Variants in GABBR2 observed in about 807,000 individuals in gnomAD.
GABBR2 encodes gamma-aminobutyric acid type B receptor subunit 2, also known as G-protein coupled receptor 51.
A neutral mutation model predicts 105.6 loss-of-function variants in GABBR2; 23 were observed. The ratio of observed to expected loss-of-function variants is 0.22; its 90% CI spans 0.16 to 0.31. The LOEUF is 0.31. GABBR2 is among the 10% of genes least tolerant of loss of function. The pLI is 1.00. For missense variants in GABBR2, 734 were observed against 1,245.5 expected (o/e 0.59, Z 6.18); for synonymous variants, 478 against 499.7 (o/e 0.96, Z 0.58).
At chr9:98,445,284 C>T (rs1826106223) in intron 7 of GABBR2, among the ~76,000 whole-genome samples, 1 of 152,164 alleles carries the variant, frequency 6.6e-6, no homozygotes, top group African/African-American at 2.4e-5. Flanking sequence ...GCTACTGCAA[C>T]TGGCAGGGGT....
At chr9:98,299,638 G>A (rs1008631261) in intron 16 of GABBR2, among the ~76,000 whole-genome samples, 1 of 152,156 alleles carries the variant, frequency 6.6e-6, no homozygotes, top group African/African-American at 2.4e-5. Context: ...GGAAGGGCAG[G>A]GAGAGCATAC....
chr9:98,377,523 T>C (rs1014803275), intron 11 of GABBR2, among the ~76,000 whole-genome samples: 8 of 152,154 alleles, frequency 5.3e-5, no homozygotes, highest in African/African-American at 1.9e-4. Context: ...ACATAGTAAA[T>C]GGGAACTGTT....
chr9:98,457,439 T>G (rs1826344592), intron 6 of GABBR2, among the ~76,000 whole-genome samples: 1 of 152,200 alleles, frequency 6.6e-6, no homozygotes, highest in Non-Finnish European at 1.5e-5. Flanking sequence ...TTGTTTTGTT[T>G]TGTGGGACAC....
At chr9:98,409,011 C>T (rs1453612281) in intron 7 of GABBR2, among the ~76,000 whole-genome samples, 1 of 152,184 alleles carries the variant, frequency 6.6e-6, no homozygotes, top group Non-Finnish European at 1.5e-5. Flanking sequence ...TATAAGAAAG[C>T]TGAGACCTAT....
At chr9:98,558,033 C>T (rs1317717307) in intron 2 of GABBR2, among the ~76,000 whole-genome samples, 2 of 152,056 alleles carry the variant, frequency 1.3e-5, no homozygotes, top group South Asian at 4.1e-4. Flanking sequence ...TAAACAATTA[C>T]AGAATGAGTT....
chr9:98,338,069 G>A (rs768928141), intron 13 of GABBR2, among the ~76,000 whole-genome samples: 3 of 152,072 alleles, frequency 2.0e-5, no homozygotes, highest in South Asian at 2.1e-4. Context: ...ATATATCCAC[G>A]TGCAAAATAA....
rs1372750577 is a variant in GABBR2, at chr9:98,308,487, G to C, written c.2005-2142C>G. ...CTTAATTCCTGGAAACCGTGAATGT[G>C]ACCTTATTTGGAAAAAGGGTATTTG... is the stretch of plus-strand genomic sequence containing the variant. On this transcript the variant is annotated intron_variant, in intron 14 of 18. Coordinates refer to ENST00000259455, the MANE Select transcript of GABBR2 (RefSeq NM_005458.8). Among the ~76,000 whole-genome samples the C allele has an allele frequency of 2.6e-5, 4 of 152,196 alleles. No individual in the cohort carries two copies. In the East Asian group the frequency reaches 7.7e-4, roughly 29 times the overall value.
intron 9 of GABBR2, among the ~76,000 whole-genome samples, chr9:98,393,368 CACACACCCACT>C: frequency 6.9e-6 from 1 of 145,596 alleles, no homozygotes. Context: ...TCCATCCATC[CACACACCCACT>C]CATCCACCCA....
intron 1 of GABBR2, among the ~76,000 whole-genome samples, chr9:98,636,891 C>T (rs116815379): frequency 2.6e-3 from 391 of 152,248 alleles, no homozygotes; most frequent in African/African-American, 9.0e-3. Flanking sequence ...TACCTCACTC[C>T]GAATTGCCCA....
At chr9:98,298,569 G>A (rs1475140618) in intron 17 of GABBR2, among the ~76,000 whole-genome samples, 1 of 152,084 alleles carries the variant, frequency 6.6e-6, no homozygotes, top group African/African-American at 2.4e-5. Flanking sequence ...ACCAACTCTG[G>A]TAACCTTTAA....
At chr9:98,508,114 G>C (rs1046629749) in intron 3 of GABBR2, among the ~76,000 whole-genome samples, 1 of 152,134 alleles carries the variant, frequency 6.6e-6, no homozygotes, top group South Asian at 2.1e-4. Flanking sequence ...AAAACACTGG[G>C]TATTAATAAA....
chr9:98,649,621 G>C (rs1588268795), intron 1 of GABBR2, among the ~76,000 whole-genome samples: 1 of 152,160 alleles, frequency 6.6e-6, no homozygotes, highest in African/African-American at 2.4e-5. Context: ...GGGGACTAAG[G>C]TTCAGTCACT....
At chr9:98,649,610 C>T (rs932615158) in intron 1 of GABBR2, among the ~76,000 whole-genome samples, 9 of 152,126 alleles carry the variant, frequency 5.9e-5, no homozygotes, top group South Asian at 2.1e-4. Context: ...TTCACAAGCC[C>T]GGGGACTAAG....
At position 98,331,746 on chromosome 9, in the gene GABBR2, C is replaced by T. The variant is rs556870154; in HGVS notation, c.1894-20541G>A. The stretch of plus-strand genomic sequence containing the variant: ...CTGTGCTGAGCACCTCCTGGATGTG[C>T]GAGCCAGTGAGTGTGGGTGGGGCAG... On this transcript the variant is annotated intron_variant, in intron 13 of 18. Transcript: ENST00000259455. Among the ~76,000 whole-genome samples the T allele has an allele frequency of 1.1e-4, 16 of 152,220 alleles. No homozygotes were observed. The South Asian group carries it at 2.3e-3, about 22-fold the overall frequency.
intron 13 of GABBR2, among the ~76,000 whole-genome samples, chr9:98,313,913 A>G (rs1409231119): frequency 2.0e-5 from 3 of 152,126 alleles, no homozygotes; most frequent in Non-Finnish European, 4.4e-5. Context: ...TGGTGCTCCC[A>G]CGTGAAAGCA....
chr9:98,519,130 T>C (rs1299391020), intron 3 of GABBR2, among the ~76,000 whole-genome samples: 1 of 152,228 alleles, frequency 6.6e-6, no homozygotes, highest in East Asian at 1.9e-4. Flanking sequence ...AATCTGTCCA[T>C]CTGCCCCTGG....
intron 2 of GABBR2, among the ~76,000 whole-genome samples, chr9:98,575,185 G>T (rs1459851196): frequency 6.6e-6 from 1 of 152,172 alleles, no homozygotes; most frequent in Non-Finnish European, 1.5e-5. Context: ...ACAAGGGGAA[G>T]TGATAGGCTT....
rs147225316 is a variant in GABBR2, at chr9:98,476,866, G to A, written c.799-3520C>T. 2.8e-4 allele frequency among the ~76,000 whole-genome samples: 42 copies of A among 152,338 alleles called. 1 individual carries two copies. In the East Asian group the frequency reaches 6.5e-3, roughly 24 times the overall value. ...AACTGCTATAGACTTGGAAAGTAGG[G>A]CGCCTAGATTGCTAAGCATATTTGT... On this transcript the variant is annotated intron_variant, in intron 5 of 18. Coordinates refer to ENST00000259455, the MANE Select transcript of GABBR2 (RefSeq NM_005458.8).
In GABBR2 at chr9:98,472,860, T is replaced by C. The variant is rs78572269; in HGVS notation, c.999+286A>G. On this transcript the variant is annotated intron_variant, in intron 6 of 18. Coordinates refer to ENST00000259455, the MANE Select transcript of GABBR2 (RefSeq NM_005458.8). ...AACTTTTACAGAGTCTAAAGGGCCC[T>C]GAAGTTGATGCCAGGACTCTATTAT... 0.011 allele frequency among the ~76,000 whole-genome samples: 1,626 copies of C among 152,210 alleles called. 34 individuals carry two copies. The highest frequency in any genetic ancestry group is 0.037 in the African/African-American group (1,539 of 41,538).
Sources: gnomAD v4.1 joint callset for allele counts (sites outside exome capture counted in the v4.1 genomes callset) on GRCh38, gnomAD v4.1.1 for gene constraint, MANE v1.5 for transcripts, NCBI Gene and HGNC (gene_info 2026-07-23, HGNC 2026-07-21) for gene names.